The following DTNB variants were observed in gnomAD, a reference collection of about 807,000 sequenced individuals.
DTNB encodes dystrobrevin beta.
DTNB carries 63 observed loss-of-function variants against 90.7 expected under a neutral mutation model. The ratio of observed to expected loss-of-function variants is 0.69; its 90% CI spans 0.57 to 0.86. The LOEUF (loss-of-function observed/expected upper bound fraction) is 0.86, where lower values mean the gene tolerates loss of function less well. DTNB is among the 40% of genes least tolerant of loss of function. The pLI is 0.00. For missense variants in DTNB, 744 were observed against 807.1 expected (o/e 0.92, Z 0.95); for synonymous variants, 277 against 286.7 (o/e 0.97, Z 0.34).
At chr2:25,644,094 T>G (rs2078937130) in intron 2 of DTNB, among the ~76,000 whole-genome samples, 1 of 152,174 alleles carries the variant, frequency 6.6e-6, no homozygotes, top group African/African-American at 2.4e-5. Context: ...ATAATCCACC[T>G]CTTGTTTAGC....
chr2:25,496,268 A>G (rs901699854), intron 9 of DTNB, among the ~76,000 whole-genome samples: 3 of 152,224 alleles, frequency 2.0e-5, no homozygotes, highest in Non-Finnish European at 4.4e-5. Flanking sequence ...AAACCTTTCC[A>G]TGATGAATCC....
Position 25,463,340 on chromosome 2 carries a change from TTCTCATCACC to T in DTNB, c.1080-7856_1080-7847del, listed in dbSNP as rs538454452. Among the ~76,000 whole-genome samples, 316 of 152,304 alleles carry T rather than the reference TTCTCATCACC, an allele frequency of 2.1e-3. 3 individuals are homozygous for T. Among genetic ancestry groups the T allele is most frequent in the Non-Finnish European group, 3.6e-3 (248 of 68,028 alleles). On this transcript the variant is annotated intron_variant, in intron 10 of 20. Coordinates refer to ENST00000406818, the MANE Select transcript of DTNB (RefSeq NM_021907.5). ...ACTGCAAGTCCTGATGGCTCTTATT[TTCTCATCACC>T]TCCACTGCCGCCATGACTTCTCCTG... is the stretch of plus-strand genomic sequence containing the variant.
chr2:25,624,604 T>A (rs927249224), intron 4 of DTNB, among the ~76,000 whole-genome samples: 5 of 152,312 alleles, frequency 3.3e-5, no homozygotes, highest in East Asian at 1.9e-4. Context: ...AAAGGCCATG[T>A]GGGTAGGCTT....
At chr2:25,404,526 G>C (rs2044555612) in intron 16 of DTNB, among the ~76,000 whole-genome samples, 1 of 152,136 alleles carries the variant, frequency 6.6e-6, no homozygotes, top group African/African-American at 2.4e-5. Context: ...AGCAGCCAGA[G>C]ATGTAAATGA....
intron 8 of DTNB, among the ~76,000 whole-genome samples, chr2:25,555,330 C>T (rs2057141103): frequency 1.3e-5 from 2 of 149,430 alleles, no homozygotes; most frequent in South Asian, 4.3e-4. Context: ...TGAAGCAAAT[C>T]CAGCAAAATG....
chr2:25,630,593 C>T (rs1008958929), intron 3 of DTNB, among the ~76,000 whole-genome samples: 1 of 152,040 alleles, frequency 6.6e-6, no homozygotes, highest in Non-Finnish European at 1.5e-5. Flanking sequence ...GCCTGTAATC[C>T]CAGCACTTTG....
chr2:25,535,107 C>T (rs374329365), intron 8 of DTNB, among the ~76,000 whole-genome samples: 3 of 138,644 alleles, frequency 2.2e-5, no homozygotes, highest in African/African-American at 5.5e-5. Context: ...ACTTCCCAGA[C>T]GGGGCAGCCG....
chr2:25,405,022 C>T (rs938603976), intron 16 of DTNB, among the ~76,000 whole-genome samples: 1 of 152,140 alleles, frequency 6.6e-6, no homozygotes, highest in African/African-American at 2.4e-5. Context: ...TGGCTCACCA[C>T]AGCCTTGACC....
chr2:25,454,665 T>C (rs775302704), intron 11 of DTNB, among the ~76,000 whole-genome samples: 1 of 152,168 alleles, frequency 6.6e-6, no homozygotes, highest in Non-Finnish European at 1.5e-5. Context: ...CGGTATTAAA[T>C]CTTTTAAAAA....
chr2:25,378,782 A>G (rs2036634543), intron 20 of DTNB, among the ~76,000 whole-genome samples: 1 of 152,212 alleles, frequency 6.6e-6, no homozygotes, highest in Admixed American at 6.5e-5. Flanking sequence ...GCCGGGCACC[A>G]TGGGAAGCGG....
intron 16 of DTNB, among the ~76,000 whole-genome samples, chr2:25,388,857 T>C (rs1317694518): frequency 3.3e-5 from 5 of 151,960 alleles, no homozygotes; most frequent in African/African-American, 2.4e-5. Flanking sequence ...TACGTATATA[T>C]CTTTTTTGGA....
intron 9 of DTNB, among the ~76,000 whole-genome samples, chr2:25,483,776 T>C (rs1413647466): frequency 6.6e-6 from 1 of 152,192 alleles, no homozygotes; most frequent in Admixed American, 6.5e-5. Flanking sequence ...CACATGACTA[T>C]TGCTAAATAC....
intron 16 of DTNB, among the ~76,000 whole-genome samples, chr2:25,404,143 G>A (rs1284634274): frequency 6.6e-6 from 1 of 152,164 alleles, no homozygotes; most frequent in East Asian, 1.9e-4. Flanking sequence ...GGTGTTAGGG[G>A]TAGGGGGCTA....
At chr2:25,478,754 A>G (rs1198309521) in intron 10 of DTNB, among the ~76,000 whole-genome samples, 1 of 152,160 alleles carries the variant, frequency 6.6e-6, no homozygotes, top group African/African-American at 2.4e-5. Context: ...GGTCCCTCAC[A>G]TACACACAAG....
chr2:25,522,307 C>T (rs867593877), intron 9 of DTNB, among the ~76,000 whole-genome samples: 6 of 152,276 alleles, frequency 3.9e-5, no homozygotes, highest in Middle Eastern at 3.4e-3. Flanking sequence ...CTAGTGGTGG[C>T]TTTGGGAAAC....
At chr2:25,619,895 C>T (rs1037977652) in intron 4 of DTNB, among the ~76,000 whole-genome samples, 2 of 152,062 alleles carry the variant, frequency 1.3e-5, no homozygotes, top group African/African-American at 4.8e-5. Context: ...CAAAAATTAG[C>T]CAGGCGTGGT....
At chr2:25,538,731 C>A (rs773263431) in intron 8 of DTNB, among the ~76,000 whole-genome samples, 1 of 152,156 alleles carries the variant, frequency 6.6e-6, no homozygotes, top group Non-Finnish European at 1.5e-5. Flanking sequence ...GGATTACAGG[C>A]ATGAGCCACC....
At chr2:25,563,003 C>T (rs1203120008) in intron 8 of DTNB, among the ~76,000 whole-genome samples, 1 of 152,132 alleles carries the variant, frequency 6.6e-6, no homozygotes, top group African/African-American at 2.4e-5. Context: ...CTCCTGGAGT[C>T]AAGCAATCCA....
At chr2:25,531,686 T>A in intron 8 of DTNB, 89 bp from the exon 9 acceptor site, 1 of 1,485,148 alleles carries the variant, frequency 6.7e-7, no homozygotes, top group Non-Finnish European at 9.0e-7. Flanking sequence ...GACAAGAGTG[T>A]AAAAACATCT....
Sources: allele counts gnomAD v4.1 joint callset (sites outside exome capture counted in the v4.1 genomes callset), GRCh38; gene constraint gnomAD v4.1.1; transcripts MANE v1.5; gene names NCBI Gene and HGNC (gene_info 2026-07-23, HGNC 2026-07-21).